The following GABRA1 variants were observed in gnomAD, a reference collection of about 807,000 sequenced individuals.
GABRA1 encodes the protein gamma-aminobutyric acid type A receptor subunit alpha1.
A neutral mutation model predicts 48.9 loss-of-function variants in GABRA1; 9 were observed. The ratio of observed to expected loss-of-function variants is 0.18; its 90% CI spans 0.11 to 0.32. GABRA1 has a LOEUF of 0.32. GABRA1 is among the 10% of genes least tolerant of loss of function. The pLI, the probability that GABRA1 is intolerant of heterozygous loss-of-function variation, is 1.00. For synonymous variants in GABRA1, 210 were observed against 198.7 expected, an observed-to-expected ratio of 1.06 and a Z score of -0.48; for missense variants, 285 against 553.8, an observed-to-expected ratio of 0.51 and a Z score of 4.87.
rs925661659 is a variant in GABRA1, at chr5:161,891,068, T to C, written c.856+18T>C. The stretch of plus-strand genomic sequence containing the variant: ...TGTCTTTGGTAAGTCCCAATCAAGA[T>C]ACATACGCAAGGAAGGGTATGGAAG... On this transcript the variant is annotated intron_variant, in intron 8 of 9. Transcript: ENST00000393943. 6.2e-7 allele frequency: 1 copy of C among 1,612,440 alleles called. No homozygotes were observed. Among genetic ancestry groups the C allele is most frequent in the Non-Finnish European group, 8.5e-7 (1 of 1,178,604 alleles).
chr5:161,867,300 C>A (rs937344648), intron 4 of GABRA1, among the ~76,000 whole-genome samples: 1 of 152,122 alleles, frequency 6.6e-6, no homozygotes, highest in Admixed American at 6.6e-5. Context: ...AGGTCCCAGT[C>A]ATGTTTAAGG....
At chr5:161,889,361 A>T (rs961803347) in intron 7 of GABRA1, among the ~76,000 whole-genome samples, 5 of 152,094 alleles carry the variant, frequency 3.3e-5, no homozygotes, top group Non-Finnish European at 7.4e-5. Context: ...TTTTGTAGAC[A>T]AGAATACTAA....
intron 9 of GABRA1, among the ~76,000 whole-genome samples, chr5:161,896,342 G>A (rs1475581155): frequency 6.6e-6 from 1 of 152,122 alleles, no homozygotes; most frequent in Non-Finnish European, 1.5e-5. Flanking sequence ...CTAGTTCTCT[G>A]CAAAGTCAAG....
chr5:161,871,666 T>C lies in GABRA1; in HGVS notation c.256-1451T>C, dbSNP rs2113375943. On this transcript the variant is annotated intron_variant, in intron 4 of 9. Coordinates refer to ENST00000393943, the MANE Select transcript of GABRA1 (RefSeq NM_001127644.2). Reference sequence around the variant, plus strand: ...TCCTTTGCTGAATTTATTAGGTGCTTAAGAGATATTTGTTGGTGAGTAAAT... The same window carrying C: ...TCCTTTGCTGAATTTATTAGGTGCTCAAGAGATATTTGTTGGTGAGTAAAT... Among the ~76,000 whole-genome samples the C allele has an allele frequency of 2.0e-5, 3 of 152,294 alleles. No homozygotes were observed. The South Asian group carries it at 6.2e-4, about 32-fold the overall frequency.
chr5:161,879,025 A>T (rs1316504196), intron 6 of GABRA1, among the ~76,000 whole-genome samples: 2 of 152,208 alleles, frequency 1.3e-5, no homozygotes, highest in African/African-American at 4.8e-5. Context: ...AACTCTCCTG[A>T]TACTAAGTAA....
chr5:161,864,498 G>A (rs556376657), intron 3 of GABRA1, among the ~76,000 whole-genome samples: 165 of 152,100 alleles, frequency 1.1e-3, no homozygotes, highest in Non-Finnish European at 2.0e-3. Flanking sequence ...ATTGCTAAGG[G>A]AAAAGGGCCA....
At chr5:161,860,611 G>C (rs1254677856) in intron 3 of GABRA1, among the ~76,000 whole-genome samples, 1 of 151,178 alleles carries the variant, frequency 6.6e-6, no homozygotes, top group African/African-American at 2.4e-5. Flanking sequence ...AATGTAACTG[G>C]ACATTTTAAA....
At chr5:161,858,500 T>C (rs1239355596) in intron 3 of GABRA1, among the ~76,000 whole-genome samples, 1 of 151,740 alleles carries the variant, frequency 6.6e-6, no homozygotes, top group Non-Finnish European at 1.5e-5. Context: ...GGCTACACTT[T>C]ATTTACAATA....
At chr5:161,867,976 A>C (rs1486156951) in intron 4 of GABRA1, among the ~76,000 whole-genome samples, 3 of 151,992 alleles carry the variant, frequency 2.0e-5, no homozygotes, top group Non-Finnish European at 4.4e-5. Flanking sequence ...TCACAGTATT[A>C]GTTCATTGTT....
Position 161,875,797 on chromosome 5 carries a change from A to G in GABRA1, c.559+155A>G, listed in dbSNP as rs73314914. On this transcript the variant is annotated intron_variant, in intron 6 of 9. Coordinates refer to ENST00000393943, the MANE Select transcript of GABRA1 (RefSeq NM_001127644.2). ...TCCATAAGTAGTGCTCTGTGACTTC[A>G]CTTTTTAATGTTGCTTCAAGAGAGA... Among the ~76,000 whole-genome samples the G allele has an allele frequency of 5.5e-3, 842 of 152,306 alleles. 8 individuals are homozygous for G. The highest frequency in any genetic ancestry group is 0.018 in the African/African-American group (754 of 41,580).
At chr5:161,867,550 A>G (rs536770557) in intron 4 of GABRA1, among the ~76,000 whole-genome samples, 1 of 152,256 alleles carries the variant, frequency 6.6e-6, no homozygotes, top group African/African-American at 2.4e-5. Flanking sequence ...TGTATATATT[A>G]TTATAGTTGC....
intron 1 of GABRA1, chr5:161,848,763 T>C (rs532121472): frequency 1.4e-4 from 42 of 301,964 alleles, no homozygotes; most frequent in South Asian, 1.0e-3. Flanking sequence ...TGGCATGTTG[T>C]TTTGGTCTTT....
chr5:161,893,048 T>TAAAAA (rs3078113), intron 8 of GABRA1, among the ~76,000 whole-genome samples: 135 of 142,006 alleles, frequency 9.5e-4, no homozygotes, highest in Admixed American at 1.4e-3. Context: ...ATAATAATAA[T>TAAAAA]AAAATAAACA....
At chr5:161,888,028 A>T (rs2113435843) in intron 7 of GABRA1, among the ~76,000 whole-genome samples, 1 of 152,276 alleles carries the variant, frequency 6.6e-6, no homozygotes, top group East Asian at 1.9e-4. Flanking sequence ...TTGAAAAATT[A>T]TATTAGTTGC....
At chr5:161,890,713 A>G (rs980787227) in intron 7 of GABRA1, among the ~76,000 whole-genome samples, 185 bp from the exon 8 acceptor site, 1 of 152,130 alleles carries the variant, frequency 6.6e-6, no homozygotes, top group African/African-American at 2.4e-5. Flanking sequence ...CCTCAGAGTC[A>G]TTTTACTGTG....
At chr5:161,878,518 G>T (rs1174650623) in intron 6 of GABRA1, among the ~76,000 whole-genome samples, 1 of 152,204 alleles carries the variant, frequency 6.6e-6, no homozygotes, top group Admixed American at 6.5e-5. Context: ...TAGTGGAACA[G>T]TCTGTAATAA....
intron 4 of GABRA1, among the ~76,000 whole-genome samples, chr5:161,868,145 T>C (rs775768561): frequency 2.6e-5 from 4 of 152,032 alleles, no homozygotes; most frequent in Non-Finnish European, 5.9e-5. Flanking sequence ...GTAGAAGGCA[T>C]GGGGAATTAA....
At chr5:161,847,655 A>T (rs1055875025), upstream of GABRA1, 4 of 152,108 alleles carry the variant, frequency 2.6e-5, no homozygotes, top group African/African-American at 9.7e-5. Flanking sequence ...GGACTTAGAC[A>T]TATGTGTGGG....
At chr5:161,870,433 T>C (rs1047983828) in intron 4 of GABRA1, among the ~76,000 whole-genome samples, 1 of 151,690 alleles carries the variant, frequency 6.6e-6, no homozygotes, top group African/African-American at 2.4e-5. Context: ...TGGTGGCGCA[T>C]GCCTGTAAAT....
Sources: allele counts gnomAD v4.1 joint callset (sites outside exome capture counted in the v4.1 genomes callset), GRCh38; gene constraint gnomAD v4.1.1; transcripts MANE v1.5; gene names NCBI Gene and HGNC (gene_info 2026-07-23, HGNC 2026-07-21).